Variants in PARP12 observed in about 807,000 individuals in gnomAD.
PARP12 encodes the protein poly(ADP-ribose) polymerase family member 12.
In PARP12, 59 loss-of-function variants were observed where a neutral mutation model predicts 72.4. The ratio of observed to expected loss-of-function variants is 0.81; its 90% CI spans 0.66 to 1.01. The LOEUF is 1.01. PARP12 is among the 50% of genes least tolerant of loss of function. The probability of loss-of-function intolerance (pLI) is 0.00; values close to 1 mark genes in which losing one functional copy is unlikely to be tolerated. For missense variants in PARP12, 851 were observed against 914.0 expected (o/e 0.93, Z 0.89); for synonymous variants, 403 against 371.4 (o/e 1.09, Z -0.98).
chr7:140,044,565 T>C (rs748914017), intron 5 of PARP12, among the ~76,000 whole-genome samples: 1 of 152,206 alleles, frequency 6.6e-6, no homozygotes, highest in African/African-American at 2.4e-5. Context: ...TTTGGACTTC[T>C]AGCCTCCAGA....
At chr7:140,031,388 A>AATAC (rs766366261) in intron 8 of PARP12, among the ~76,000 whole-genome samples, 15 of 152,196 alleles carry the variant, frequency 9.9e-5, no homozygotes, top group Non-Finnish European at 1.9e-4. Flanking sequence ...TAAATAAATA[A>AATAC]ATAAATACAT....
intron 1 of PARP12, among the ~76,000 whole-genome samples, chr7:140,060,213 G>C (rs1027327071): frequency 3.3e-5 from 5 of 152,206 alleles, no homozygotes; most frequent in Non-Finnish European, 7.3e-5. Flanking sequence ...GAAGCCATCA[G>C]CTAGCAAGGA....
At position 140,036,065 on chromosome 7, in the gene PARP12, A is replaced by G. The variant is rs972624255; in HGVS notation, c.1324+1650T>C. Among the ~76,000 whole-genome samples, 24 of 138,836 alleles carry G rather than the reference A, an allele frequency of 1.7e-4. 1 individual carries two copies. The highest frequency in any genetic ancestry group is 5.1e-4 in the African/African-American group (18 of 35,074). The allele number at this position is 138,836 out of a possible 152,430, so 91.1% of individuals were successfully genotyped here. On this transcript the variant is annotated intron_variant, in intron 7 of 11. Coordinates refer to ENST00000263549, the MANE Select transcript of PARP12 (RefSeq NM_022750.4). ...GGAGGAGAAGGAGGAGAAGGAGGAGAAGGAGGAGAAGGAGGAGAAGGAGAA... is the reference window on the plus strand; with the variant it reads ...GGAGGAGAAGGAGGAGAAGGAGGAGGAGGAGGAGAAGGAGGAGAAGGAGAA...
intron 4 of PARP12, among the ~76,000 whole-genome samples, chr7:140,051,832 G>A (rs1316381971): frequency 6.6e-6 from 1 of 152,238 alleles, no homozygotes; most frequent in African/African-American, 2.4e-5. Flanking sequence ...CCTTGTGGTG[G>A]TGGAGAAGGA....
intron 4 of PARP12, among the ~76,000 whole-genome samples, chr7:140,053,280 T>C (rs10241819): frequency 0.53 from 81,220 of 152,016 alleles, 24,235 homozygotes; most frequent in African/African-American, 0.81. Flanking sequence ...AACAAATGAT[T>C]GATATGCCAG....
chr7:140,027,571 C>T, intron 9 of PARP12, 165 bp from the exon 10 acceptor site: 1 of 716,472 alleles, frequency 1.4e-6, no homozygotes, highest in Non-Finnish European at 2.2e-6. Flanking sequence ...ACAATCGGTC[C>T]TCATGAAATG....
intron 4 of PARP12, among the ~76,000 whole-genome samples, chr7:140,053,807 C>G (rs1349898091): frequency 6.6e-6 from 1 of 152,104 alleles, no homozygotes; most frequent in Non-Finnish European, 1.5e-5. Context: ...AAAAAATCTC[C>G]AAGATACAAT....
intron 9 of PARP12, among the ~76,000 whole-genome samples, chr7:140,028,044 T>TA (rs1433689044): frequency 2.0e-5 from 3 of 152,318 alleles, no homozygotes; most frequent in East Asian, 3.9e-4. Flanking sequence ...AAAGCTGAGT[T>TA]AGACAGTGCT....
At chr7:140,052,080 A>G (rs1816986477) in intron 4 of PARP12, among the ~76,000 whole-genome samples, 1 of 152,198 alleles carries the variant, frequency 6.6e-6, no homozygotes, top group Admixed American at 6.5e-5. Flanking sequence ...TGGTAAAGCC[A>G]TGTTCCATCT....
chr7:140,034,577 T>G, intron 7 of PARP12: 1 of 278,058 alleles, frequency 3.6e-6, no homozygotes, highest in Non-Finnish European at 7.0e-6. Context: ...CAATTACACA[T>G]GAGTGCTTTT....
Position 140,027,279 on chromosome 7 carries a change from T to C in PARP12, c.1625A>G (p.Gln542Arg). ...CCAAGAGCGAGCCCCAACGCACCAC[T>C]GGTAGACTTCCCAGAGGGCCAGGTT... ...VQNLALWEVYQWQKGQMQKQN... is the reference protein window; with the variant it reads ...VQNLALWEVYRWQKGQMQKQN... Residue 542 changes from glutamine (Q) to arginine (R), a missense_variant, in exon 10 of 12, where the codon CAG becomes CGG. Gln to Arg is a conservative substitution (Grantham distance 43). Coordinates refer to ENST00000263549, the MANE Select transcript of PARP12 (RefSeq NM_022750.4). 1 of 1,613,144 alleles carries C rather than the reference T, an allele frequency of 6.2e-7. No individual in the cohort carries two copies. Among genetic ancestry groups the C allele is most frequent in the Non-Finnish European group, 8.5e-7 (1 of 1,179,618 alleles).
intron 11 of PARP12, 81 bp from the exon 12 acceptor site, chr7:140,024,966 G>A: frequency 7.7e-7 from 1 of 1,304,826 alleles, no homozygotes; most frequent in Non-Finnish European, 1.1e-6. Context: ...GCGTCCTGGT[G>A]ATGTGCAACG....
At chr7:140,025,527 A>AT (rs1289916402) in intron 11 of PARP12, 3 of 452,140 alleles carry the variant, frequency 6.6e-6, no homozygotes, top group Non-Finnish European at 1.3e-5. Context: ...ACAGAAGATA[A>AT]TGTCCTGTTC....
chr7:140,055,836 C>T (rs578219570), intron 3 of PARP12, among the ~76,000 whole-genome samples: 12 of 152,318 alleles, frequency 7.9e-5, no homozygotes, highest in African/African-American at 2.9e-4. Context: ...CAAAAGACAA[C>T]TTTTAAATAT....
chr7:140,029,645 A>G (rs1569526520), intron 8 of PARP12, among the ~76,000 whole-genome samples: 1 of 151,554 alleles, frequency 6.6e-6, no homozygotes, highest in Admixed American at 6.6e-5. Flanking sequence ...TGTTTAAAGG[A>G]AAAAAAAAGA....
At chr7:140,060,606 G>A (rs904923474) in intron 1 of PARP12, among the ~76,000 whole-genome samples, 3 of 152,130 alleles carry the variant, frequency 2.0e-5, no homozygotes, top group African/African-American at 7.2e-5. Flanking sequence ...CCACATTTTG[G>A]GAACTAGCTT....
At chr7:140,058,132 T>C in intron 1 of PARP12, 98 bp from the exon 2 acceptor site, 1 of 1,386,368 alleles carries the variant, frequency 7.2e-7, no homozygotes, top group East Asian at 2.3e-5. Context: ...TATGGCTCTA[T>C]TTGGAAAGAA....
intron 8 of PARP12, among the ~76,000 whole-genome samples, chr7:140,029,814 A>G (rs956581927): frequency 2.0e-5 from 3 of 152,250 alleles, no homozygotes; most frequent in African/African-American, 7.2e-5. Context: ...AGGAAGAATC[A>G]GTGAGCTGAA....
intron 3 of PARP12, among the ~76,000 whole-genome samples, chr7:140,055,826 C>T (rs779952847): frequency 4.6e-5 from 7 of 152,200 alleles, no homozygotes; most frequent in African/African-American, 4.8e-5. Flanking sequence ...AAAACAAATT[C>T]AAAAGACAAC....
Sources: gnomAD v4.1 joint callset for allele counts (sites outside exome capture counted in the v4.1 genomes callset) on GRCh38, gnomAD v4.1.1 for gene constraint, MANE v1.5 for transcripts, NCBI Gene and HGNC (gene_info 2026-07-23, HGNC 2026-07-21) for gene names.